The following PTPRG variants were observed in gnomAD, a reference collection of about 807,000 sequenced individuals.
PTPRG encodes protein tyrosine phosphatase receptor type G, also known as receptor-type tyrosine-protein phosphatase gamma.
Under a neutral mutation model 165.3 loss-of-function variants are expected in PTPRG, and 102 were observed. The ratio of observed to expected loss-of-function variants is 0.62; its 90% confidence interval spans 0.53 to 0.73. The LOEUF (loss-of-function observed/expected upper bound fraction) is 0.73. Ranked by LOEUF, PTPRG falls within the 30% of genes least tolerant of loss-of-function variation. The pLI, the probability that PTPRG is intolerant of heterozygous loss-of-function variation, is 0.00. For synonymous variants in PTPRG, 675 were observed against 669.5 expected (o/e 1.01, Z -0.13); for missense variants, 1,866 against 1,861.4 (o/e 1.00, Z -0.05).
chr3:62,289,210 A>C (rs1434308731), intron 28 of PTPRG, among the ~76,000 whole-genome samples: 1 of 152,178 alleles, frequency 6.6e-6, no homozygotes, highest in Non-Finnish European at 1.5e-5. Context: ...TGAAATGGAG[A>C]TAATACTGGT....
chr3:61,913,227 A>C (rs1398090115), intron 2 of PTPRG, among the ~76,000 whole-genome samples: 2 of 151,756 alleles, frequency 1.3e-5, no homozygotes, highest in African/African-American at 2.4e-5. Context: ...TTTCTTTTTT[A>C]TTTTTTTTCT....
At position 62,195,255 on chromosome 3, in the gene PTPRG, G is replaced by C; in HGVS notation, c.1327+85G>C. On this transcript the variant is annotated intron_variant, in intron 10 of 29. Coordinates refer to ENST00000474889, the MANE Select transcript of PTPRG (RefSeq NM_002841.4). This position sits in a 1 kb window ranked among gnomAD's most constrained non-coding sequence, Gnocchi z 4.4. Reference sequence around the variant, plus strand: ...CTGCTTCTTCCTGCTCAGGTGCTGGGGAAAAATACAAACAAGCCTGGCAGA... The same window carrying C: ...CTGCTTCTTCCTGCTCAGGTGCTGGCGAAAAATACAAACAAGCCTGGCAGA... The C allele has an allele frequency of 8.2e-7, 1 of 1,225,396 alleles. No individual in the cohort carries two copies. The highest frequency in any genetic ancestry group is 1.2e-5 in the South Asian group (1 of 80,786). 75.9% of individuals were successfully genotyped at this position (1,225,396 alleles called of 1,614,324 possible). A position where few individuals can be genotyped will look rare whatever the true frequency, so the allele number is the denominator to read the frequency against.
intron 1 of PTPRG, among the ~76,000 whole-genome samples, chr3:61,705,826 G>A (rs2106725023): frequency 6.6e-6 from 1 of 152,316 alleles, no homozygotes; most frequent in Admixed American, 6.5e-5. Context: ...GCCGTGAGGT[G>A]CCCTCTTCAA....
intron 2 of PTPRG, among the ~76,000 whole-genome samples, chr3:61,875,042 CTCT>C (rs2037696028): frequency 6.6e-6 from 1 of 152,228 alleles, no homozygotes; most frequent in South Asian, 2.1e-4. Flanking sequence ...GAAATTCTCA[CTCT>C]TCTCTTTCCT....
intron 4 of PTPRG, among the ~76,000 whole-genome samples, chr3:62,064,293 T>C (rs1378350842): frequency 2.0e-5 from 3 of 152,240 alleles, no homozygotes; most frequent in Non-Finnish European, 4.4e-5. Context: ...GCCTTAGATC[T>C]ATATACTTGG....
chr3:61,576,551 T>C (rs553096632), intron 1 of PTPRG, among the ~76,000 whole-genome samples: 1 of 152,186 alleles, frequency 6.6e-6, no homozygotes, highest in African/African-American at 2.4e-5. Flanking sequence ...ATCACAGAGC[T>C]TTTTGCTACT....
chr3:61,834,719 A>T lies in PTPRG; in HGVS notation c.190+85737A>T, dbSNP rs561741702. Among the ~76,000 whole-genome samples, 3 of 152,336 alleles carry T rather than the reference A, an allele frequency of 2.0e-5. No homozygotes were observed. In the East Asian group the frequency reaches 5.8e-4, roughly 29 times the overall value. On this transcript the variant is annotated intron_variant, in intron 2 of 29. Transcript: ENST00000474889. ...TCCCAACTACTCAGGAAGCTGAGGC[A>T]GGAGAATTGCTTTAACCCAGGAGGT...
chr3:61,745,438 C>G (rs142926005), intron 1 of PTPRG, among the ~76,000 whole-genome samples: 1 of 152,158 alleles, frequency 6.6e-6, no homozygotes, highest in East Asian at 1.9e-4. Flanking sequence ...ATGCCTGTGC[C>G]CTATTTCCAG....
chr3:61,869,847 C>T (rs967319095), intron 2 of PTPRG, among the ~76,000 whole-genome samples: 6 of 152,084 alleles, frequency 3.9e-5, no homozygotes, highest in Admixed American at 6.5e-5. Flanking sequence ...GCGATCCACC[C>T]GCCTAAGTCT....
rs777288648 is a variant in PTPRG at position 62,255,079 on chromosome 3, T to C, written c.2468-45T>C. 2.0e-6 allele frequency: 3 copies of C among 1,517,544 alleles called. No homozygotes were observed. The highest frequency in any genetic ancestry group is 2.8e-5 in the African/African-American group (2 of 71,980). The allele number at this position is 1,517,544 out of a possible 1,614,324, so 94.0% of individuals were successfully genotyped here. ...TGCTTTATCAGTGTAATTTGTTTTA[T>C]GGAAGTATTCTATGTAACTTTGAAT... On this transcript the variant is annotated intron_variant, in intron 15 of 29. Transcript: ENST00000474889. The surrounding 1 kb of genome is among the most constrained non-coding windows in gnomAD (Gnocchi z 4.0).
chr3:61,859,311 G>C, intron 2 of PTPRG, among the ~76,000 whole-genome samples: 1 of 151,936 alleles, frequency 6.6e-6, no homozygotes, highest in East Asian at 1.9e-4. Flanking sequence ...AAAATGATGG[G>C]AATTAGGACA....
At chr3:62,108,057 TTA>T (rs1702535190) in intron 5 of PTPRG, among the ~76,000 whole-genome samples, 1 of 151,926 alleles carries the variant, frequency 6.6e-6, no homozygotes. Flanking sequence ...TTTTTTTTTT[TTA>T]TTATTATTAA....
chr3:61,787,739 A>G (rs1307402157), intron 2 of PTPRG, among the ~76,000 whole-genome samples: 1 of 152,170 alleles, frequency 6.6e-6, no homozygotes, highest in Non-Finnish European at 1.5e-5. Context: ...CTGTTCTTAA[A>G]AACTTCTTAA....
chr3:61,582,182 G>C (rs146264926), intron 1 of PTPRG, among the ~76,000 whole-genome samples: 1 of 151,910 alleles, frequency 6.6e-6, no homozygotes, highest in Non-Finnish European at 1.5e-5. Flanking sequence ...TGCCCAGGCC[G>C]GTCTCAAACT....
At chr3:62,098,194 C>G (rs1300348172) in intron 5 of PTPRG, among the ~76,000 whole-genome samples, 3 of 152,064 alleles carry the variant, frequency 2.0e-5, no homozygotes, top group Admixed American at 2.0e-4. Context: ...TACAAGCCCT[C>G]CATATCCTTG....
intron 4 of PTPRG, among the ~76,000 whole-genome samples, chr3:62,037,927 A>G (rs1390922547): frequency 6.6e-6 from 1 of 152,172 alleles, no homozygotes; most frequent in Non-Finnish European, 1.5e-5. Flanking sequence ...TCATCTTCAA[A>G]TATCATCACA....
intron 14 of PTPRG, among the ~76,000 whole-genome samples, chr3:62,243,389 C>G (rs573068219): frequency 6.6e-6 from 1 of 151,956 alleles, no homozygotes; most frequent in African/African-American, 2.4e-5. Context: ...TGTTTGATGA[C>G]GATGTTGGAA....
In PTPRG at chr3:61,952,514, C is replaced by T. The variant is rs376430266; in HGVS notation, c.191-37111C>T. ...GGCAACTTCATAATGGCTAAAATTA[C>T]CATCTATTCCAAGAGCATGCTCAAA... On this transcript the variant is annotated intron_variant, in intron 2 of 29. Coordinates refer to ENST00000474889, the MANE Select transcript of PTPRG (RefSeq NM_002841.4). 1.1e-3 allele frequency among the ~76,000 whole-genome samples: 164 copies of T among 152,276 alleles called. 1 individual carries two copies. The highest frequency in any genetic ancestry group is 1.9e-3 in the Non-Finnish European group (129 of 68,022).
At chr3:61,953,029 C>T (rs2039935681) in intron 2 of PTPRG, among the ~76,000 whole-genome samples, 1 of 152,170 alleles carries the variant, frequency 6.6e-6, no homozygotes, top group Non-Finnish European at 1.5e-5. Flanking sequence ...TCTCAGGATA[C>T]ATCCTAGGAT....
Sources: gnomAD v4.1 joint callset for allele counts (sites outside exome capture counted in the v4.1 genomes callset) on GRCh38, gnomAD v4.1.1 for gene constraint, Gnocchi (gnomAD v3.1) non-coding constraint, MANE v1.5 for transcripts, NCBI Gene and HGNC (gene_info 2026-07-23, HGNC 2026-07-21) for gene names.